CSNK1D: variants seen among roughly 807,000 people sequenced by gnomAD.
The protein encoded by CSNK1D is casein kinase I isoform delta.
A neutral mutation model predicts 46.6 loss-of-function variants in CSNK1D; 16 were observed. The observed-to-expected ratio is 0.34, with a 90% CI of 0.23 to 0.52. CSNK1D has a LOEUF of 0.52. CSNK1D is among the 20% of genes least tolerant of loss of function. CSNK1D has a pLI of 0.95. For missense variants in CSNK1D, 398 were observed against 578.4 expected (o/e 0.69, Z 3.20); for synonymous variants, 276 against 228.2 (o/e 1.21, Z -1.89).
chr17:82,260,580 T>C (rs1228812810), intron 2 of CSNK1D, among the ~76,000 whole-genome samples: 2 of 148,070 alleles, frequency 1.4e-5, no homozygotes, highest in African/African-American at 5.1e-5. Flanking sequence ...ATGGGACTGA[T>C]GGTGTACTGA....
At chr17:82,242,222 G>C (rs969023691), downstream of CSNK1D, among the ~76,000 whole-genome samples, 3 of 151,330 alleles carry the variant, frequency 2.0e-5, no homozygotes, top group East Asian at 2.0e-4. Context: ...TGGGGGGGGG[G>C]GGAAGAGGAA....
Position 82,243,393 on chromosome 17 carries a change from G to C in CSNK1D, c.*1388C>G. The C allele has an allele frequency of 1.0e-6, 1 of 985,532 alleles. No individual in the cohort carries two copies. Among genetic ancestry groups the C allele is most frequent in the Non-Finnish European group, 1.2e-6 (1 of 830,006 alleles). 61.0% of individuals were successfully genotyped at this position (985,532 alleles called of 1,614,324 possible). On this transcript the variant is annotated 3_prime_UTR_variant, in exon 9 of 9. Coordinates refer to ENST00000314028, the MANE Select transcript of CSNK1D (RefSeq NM_001893.6). ...TGGGGTTGGGAGCACATGGCCACTG[G>C]CTACCGCCCAAGTGCTGCGGAGTGA...
In CSNK1D at chr17:82,251,993, TAAA is replaced by T; in HGVS notation, c.736+438_736+440del. The stretch of plus-strand genomic sequence containing the variant: ...TTGGCGACAGAGTGAGACTGTGTCT[TAAA>T]AAAAAAAAAGAAGTCATAAAGCACA... On this transcript the variant is annotated intron_variant, in intron 5 of 8. Coordinates refer to ENST00000314028, the MANE Select transcript of CSNK1D (RefSeq NM_001893.6). The surrounding 1 kb of genome is among the most constrained non-coding windows in gnomAD (Gnocchi z 4.5). The T allele has an allele frequency of 1.1e-5, 3 of 267,748 alleles. No homozygotes were observed. The highest frequency in any genetic ancestry group is 1.4e-5 in the Non-Finnish European group (2 of 138,416). The allele number at this position is 267,748 out of a possible 1,614,324, so 16.6% of individuals were successfully genotyped here. A position where few individuals can be genotyped will look rare whatever the true frequency, so the allele number is the denominator to read the frequency against.
chr17:82,265,794 T>C lies in CSNK1D; in HGVS notation c.79A>G (p.Thr27Ala), dbSNP rs1213286514. ...SGSFGDIYLG[T>A]DIAAGEEVAI... ...ACCTCTTCTCCTGCAGCAATGTCCGTACCTTGGCAAAGAAAGAAAACCACA... is the reference window on the plus strand; with the variant it reads ...ACCTCTTCTCCTGCAGCAATGTCCGCACCTTGGCAAAGAAAGAAAACCACA... Residue 27 changes from threonine to alanine, a missense_variant and splice_region_variant, in exon 2 of 9, where the codon ACG becomes GCG. Physicochemically the swap from Thr to Ala is moderately conservative, Grantham distance 58. Around this residue, in one of 2 missense-constraint regions of CSNK1D, gnomAD observed 217 missense variants for 370.3 expected, o/e 0.59. Coordinates refer to ENST00000314028, the MANE Select transcript of CSNK1D (RefSeq NM_001893.6). 1.2e-6 allele frequency: 2 copies of C among 1,613,532 alleles called. No individual in the cohort carries two copies. The highest frequency in any genetic ancestry group is 1.3e-5 in the African/African-American group (1 of 75,020).
chr17:82,253,342 G>T, intron 3 of CSNK1D, 98 bp from the exon 4 acceptor site: 1 of 961,480 alleles, frequency 1.0e-6, no homozygotes, highest in Non-Finnish European at 1.7e-6. Context: ...CATTGTTCCT[G>T]CCCCTCAGCC....
chr17:82,257,964 T>C (rs944102163), intron 2 of CSNK1D, among the ~76,000 whole-genome samples: 4 of 152,050 alleles, frequency 2.6e-5, no homozygotes, highest in East Asian at 1.9e-4. Context: ...TTCCAGCACG[T>C]TGGAGGTGGA....
At chr17:82,264,187 C>T (rs1227425048) in intron 2 of CSNK1D, among the ~76,000 whole-genome samples, 2 of 152,244 alleles carry the variant, frequency 1.3e-5, no homozygotes, top group Non-Finnish European at 2.9e-5. Context: ...ACAGGTTTTC[C>T]TTTGGCCAGT....
intron 8 of CSNK1D, chr17:82,247,357 G>A (rs1296760482): frequency 2.0e-6 from 2 of 985,308 alleles, no homozygotes; most frequent in Non-Finnish European, 1.2e-6. Context: ...AAGGCAGCTG[G>A]ACTCAGGGCT....
At chr17:82,265,837 T>C (rs2051454611) in intron 1 of CSNK1D, 41 bp from the exon 2 acceptor site, 1 of 1,487,194 alleles carries the variant, frequency 6.7e-7, no homozygotes, top group East Asian at 2.3e-5. Context: ...TTACCTGGTA[T>C]CCACCAAATA....
At position 82,273,088 on chromosome 17, in the gene CSNK1D, G is replaced by C. The variant is rs1599629825; in HGVS notation, c.76+218C>G. On this transcript the variant is annotated intron_variant, in intron 1 of 8. Transcript: ENST00000314028. The surrounding 1 kb of genome is among the most constrained non-coding windows in gnomAD (Gnocchi z 5.1). ...TCCCCTCTCCAGACCCTGCTCCCCC[G>C]ACCTGGTCCTGCCCCTCCCCCACGT... 121 of 81,902 alleles carry C rather than the reference G, an allele frequency of 1.5e-3. No individual in the cohort carries two copies. Among genetic ancestry groups the C allele is most frequent in the Middle Eastern group, 3.6e-3 (1 of 276 alleles). The allele number at this position is 81,902 out of a possible 1,614,324, so 5.1% of individuals were successfully genotyped here. A position where few individuals can be genotyped will look rare whatever the true frequency, so the allele number is the denominator to read the frequency against.
In CSNK1D at chr17:82,248,315, G is replaced by A. The variant is rs982964768; in HGVS notation, c.1197+560C>T. The A allele has an allele frequency of 2.0e-6, 2 of 989,432 alleles. No individual in the cohort carries two copies. The highest frequency in any genetic ancestry group is 2.4e-6 in the Non-Finnish European group (2 of 832,280). 61.3% of individuals were successfully genotyped at this position (989,432 alleles called of 1,614,324 possible). On this transcript the variant is annotated intron_variant, in intron 8 of 8. Transcript: ENST00000314028. The surrounding 1 kb of genome is among the most constrained non-coding windows in gnomAD (Gnocchi z 4.1). ...GACCGCTGCAGGATGCTGAAGAGGCGGTGGCCGTGGCTAGGCCTGGGCTGC... is the reference window on the plus strand; with the variant it reads ...GACCGCTGCAGGATGCTGAAGAGGCAGTGGCCGTGGCTAGGCCTGGGCTGC...
At chr17:82,267,543 A>T (rs781271068) in intron 1 of CSNK1D, among the ~76,000 whole-genome samples, 1 of 152,174 alleles carries the variant, frequency 6.6e-6, no homozygotes, top group Non-Finnish European at 1.5e-5. Flanking sequence ...TAGATTTAAG[A>T]ACGTCACTTA....
rs2051155682 is a variant in CSNK1D at position 82,255,566 on chromosome 17, T to A, written c.199A>T (p.Thr67Ser). The change falls in exon 3 of 9, where the codon ACC becomes TCC. Residue 67 changes from threonine to serine, a missense_variant. Coordinates refer to ENST00000314028, the MANE Select transcript of CSNK1D (RefSeq NM_001893.6). The surrounding 1 kb of genome is among the most constrained non-coding windows in gnomAD (Gnocchi z 5.9). ...KMMQGGVGIP[T>S]IRWCGAEGDY... ...CCCTCTGCCCCGCACCATCTGATGG[T>A]GGGGATGCCCACTAGGCAAGGAAAT... The A allele has an allele frequency of 6.2e-7, 1 of 1,613,904 alleles. No homozygotes were observed. Among genetic ancestry groups the A allele is most frequent in the Non-Finnish European group, 8.5e-7 (1 of 1,180,008 alleles).
Position 82,244,362 on chromosome 17 carries a change from T to C in CSNK1D, c.*419A>G. 1 of 1,104,822 alleles carries C rather than the reference T, an allele frequency of 9.1e-7. No homozygotes were observed. The highest frequency in any genetic ancestry group is 1.1e-6 in the Non-Finnish European group (1 of 899,040). The allele number at this position is 1,104,822 out of a possible 1,614,324, so 68.4% of individuals were successfully genotyped here. On this transcript the variant is annotated 3_prime_UTR_variant, in exon 9 of 9. Coordinates refer to ENST00000314028, the MANE Select transcript of CSNK1D (RefSeq NM_001893.6). ...AGACAAGAAACAATAAAAAGACAGA[T>C]TTTCTTTACACAGATTTAAGCCAAT...
chr17:82,241,606 C>T (rs910362298), downstream of CSNK1D, among the ~76,000 whole-genome samples: 2 of 152,240 alleles, frequency 1.3e-5, no homozygotes, highest in East Asian at 1.9e-4. Context: ...TGCCGTTTTC[C>T]GGTTGGGGCC....
Position 82,244,513 on chromosome 17 carries a change from T to C in CSNK1D, c.*268A>G. 2.1e-6 allele frequency: 3 copies of C among 1,428,482 alleles called. No homozygotes were observed. The East Asian group carries it at 7.9e-5, about 38-fold the overall frequency. 88.5% of individuals were successfully genotyped at this position (1,428,482 alleles called of 1,614,324 possible). ...CTGAGGCCCTGGAAAAGGAGTCTGA[T>C]TCTCTGCAATTCTCTCTCTGCTTTT... On this transcript the variant is annotated 3_prime_UTR_variant, in exon 9 of 9. Transcript: ENST00000314028.
At chr17:82,264,647 G>A (rs2051421248) in intron 2 of CSNK1D, among the ~76,000 whole-genome samples, 1 of 152,134 alleles carries the variant, frequency 6.6e-6, no homozygotes, top group Non-Finnish European at 1.5e-5. Context: ...CAAGCTATAA[G>A]CAAAGCATGC....
rs771714670 is a variant in CSNK1D at position 82,252,472 on chromosome 17, A to G, written c.698T>C (p.Met233Thr). The G allele has an allele frequency of 1.9e-6, 3 of 1,613,830 alleles. No homozygotes were observed. The highest frequency in any genetic ancestry group is 2.5e-6 in the Non-Finnish European group (3 of 1,179,964). The change falls in exon 5 of 9, where the codon ATG becomes ACG. Residue 233 changes from methionine (M) to threonine (T), a missense_variant. This residue lies in a region of CSNK1D where 217 missense variants were observed against 370.3 expected (regional missense o/e 0.59). Transcript: ENST00000314028. The surrounding 1 kb of genome is among the most constrained non-coding windows in gnomAD (Gnocchi z 4.6). ...ACACAACACTTCGATGGGGGTGGACATTTTCTTCTCGCTAATCCTTTCGTA... is the reference window on the plus strand; with the variant it reads ...ACACAACACTTCGATGGGGGTGGACGTTTTCTTCTCGCTAATCCTTTCGTA... ...QKYERISEKK[M>T]STPIEVLCKG...
In CSNK1D at chr17:82,273,230, T is replaced by C. The variant is rs1005289434; in HGVS notation, c.76+76A>G. Reference sequence around the variant, plus strand: ...AGACCCCGCGGGGGCCACCACTTCCTTCCGCGATCGCGCTTGGTCTTGGCA... The same window carrying C: ...AGACCCCGCGGGGGCCACCACTTCCCTCCGCGATCGCGCTTGGTCTTGGCA... On this transcript the variant is annotated intron_variant, in intron 1 of 8. Coordinates refer to ENST00000314028, the MANE Select transcript of CSNK1D (RefSeq NM_001893.6). This position sits in a 1 kb window ranked among gnomAD's most constrained non-coding sequence, Gnocchi z 5.1. 5.5e-6 allele frequency: 8 copies of C among 1,456,204 alleles called. No individual in the cohort carries two copies. In the African/African-American group the frequency reaches 1.1e-4, roughly 21 times the overall value. The allele number at this position is 1,456,204 out of a possible 1,614,324, so 90.2% of individuals were successfully genotyped here.
Sources: allele counts gnomAD v4.1 joint callset (sites outside exome capture counted in the v4.1 genomes callset), GRCh38; gene constraint gnomAD v4.1.1; regional missense constraint gnomAD v4.1.1; non-coding constraint Gnocchi (gnomAD v3.1); transcripts MANE v1.5; gene names NCBI Gene and HGNC (gene_info 2026-07-23, HGNC 2026-07-21).